The following RANBP17 variants were observed in gnomAD, a reference collection of about 807,000 sequenced individuals.
The protein encoded by RANBP17 is RAN binding protein 17, also known as ran-binding protein 17.
Under a neutral mutation model 141.2 loss-of-function variants are expected in RANBP17, and 158 were observed. The ratio of observed to expected loss-of-function variants is 1.12; its 90% CI spans 0.98 to 1.28. The LOEUF (loss-of-function observed/expected upper bound fraction) is 1.28. Ranked by LOEUF, RANBP17 falls within the 50% of genes most tolerant of loss-of-function variation. The probability of loss-of-function intolerance (pLI) is 0.00; values close to 1 mark genes in which losing one functional copy is unlikely to be tolerated. For synonymous variants in RANBP17, 430 were observed against 450.0 expected (o/e 0.96, Z 0.56); for missense variants, 1,438 against 1,290.7 (o/e 1.11, Z -1.75).
chr5:171,189,977 T>C (rs1165875978), intron 18 of RANBP17, among the ~76,000 whole-genome samples: 2 of 151,672 alleles, frequency 1.3e-5, no homozygotes, highest in African/African-American at 2.4e-5. Flanking sequence ...CCTCCTCAAA[T>C]TAAAAAAAAA....
chr5:171,260,432 C>G (rs1766231131), intron 24 of RANBP17, among the ~76,000 whole-genome samples: 1 of 146,524 alleles, frequency 6.8e-6, no homozygotes, highest in Non-Finnish European at 1.5e-5. Flanking sequence ...CACTGCACTT[C>G]ACCCTGGGCA....
At chr5:171,284,878 T>C (rs1768063121) in intron 25 of RANBP17, among the ~76,000 whole-genome samples, 1 of 152,182 alleles carries the variant, frequency 6.6e-6, no homozygotes, top group Non-Finnish European at 1.5e-5. Context: ...TTGTTCTAAA[T>C]GGCAGACCTC....
At chr5:171,125,398 A>G (rs1303649830) in intron 14 of RANBP17, among the ~76,000 whole-genome samples, 1 of 136,018 alleles carries the variant, frequency 7.4e-6, no homozygotes, top group Non-Finnish European at 1.6e-5. Context: ...AACAAAGGGT[A>G]AAAAAAAAAA....
At chr5:170,999,856 T>C (rs922143810) in intron 14 of RANBP17, among the ~76,000 whole-genome samples, 34 of 152,130 alleles carry the variant, frequency 2.2e-4, no homozygotes, top group Admixed American at 2.0e-3. Context: ...CCAGAAGTCT[T>C]TTCATCTGCA....
intron 14 of RANBP17, among the ~76,000 whole-genome samples, chr5:171,074,896 G>A (rs184302264): frequency 6.6e-6 from 1 of 152,262 alleles, no homozygotes; most frequent in Admixed American, 6.5e-5. Context: ...AAAGTTGGTT[G>A]TTGTCTTCTC....
chr5:171,055,033 G>A (rs1284358077), intron 14 of RANBP17, among the ~76,000 whole-genome samples: 1 of 151,378 alleles, frequency 6.6e-6, no homozygotes, highest in African/African-American at 2.4e-5. Flanking sequence ...AAAACATTGA[G>A]TGAGTTTATC....
At chr5:171,289,502 C>T (rs1581190600) in intron 25 of RANBP17, among the ~76,000 whole-genome samples, 1 of 152,146 alleles carries the variant, frequency 6.6e-6, no homozygotes, top group Non-Finnish European at 1.5e-5. Context: ...CTTCGGGAGG[C>T]TGAGGGGGGA....
In RANBP17 at chr5:171,004,608, A is replaced by G. The variant is rs1035037629; in HGVS notation, c.1710+36231A>G. Among the ~76,000 whole-genome samples the G allele has an allele frequency of 1.2e-3, 178 of 152,290 alleles. 1 individual carries two copies. The highest frequency in any genetic ancestry group is 4.1e-3 in the African/African-American group (169 of 41,576). On this transcript the variant is annotated intron_variant, in intron 14 of 27. Transcript: ENST00000523189. The stretch of plus-strand genomic sequence containing the variant: ...AAGAGTTACCTGAAGCTCAGCATCC[A>G]TGATAGTCCAGGGGGCTTCCAAGGC...
intron 14 of RANBP17, among the ~76,000 whole-genome samples, chr5:171,006,453 G>T (rs1222995469): frequency 2.6e-5 from 4 of 152,086 alleles, no homozygotes; most frequent in African/African-American, 9.7e-5. Flanking sequence ...GTAGGGATAT[G>T]GATGAAGCTG....
At chr5:171,060,588 T>C (rs1489739094) in intron 14 of RANBP17, among the ~76,000 whole-genome samples, 9 of 152,160 alleles carry the variant, frequency 5.9e-5, no homozygotes, top group South Asian at 4.1e-4. Flanking sequence ...AGGATTTTTG[T>C]ATCAATGTTC....
intron 14 of RANBP17, among the ~76,000 whole-genome samples, chr5:171,041,946 A>C (rs1782278070): frequency 6.6e-6 from 1 of 151,748 alleles, no homozygotes; most frequent in African/African-American, 2.4e-5. Context: ...CCCTGTGTCC[A>C]TGTGTTCTCA....
intron 3 of RANBP17, among the ~76,000 whole-genome samples, chr5:170,887,771 T>C (rs955252478): frequency 6.6e-6 from 1 of 152,130 alleles, no homozygotes; most frequent in Admixed American, 6.5e-5. Context: ...AAGTTCAAGA[T>C]CAAGGGGCTG....
At chr5:170,883,095 A>C (rs945097779) in intron 3 of RANBP17, among the ~76,000 whole-genome samples, 1 of 152,136 alleles carries the variant, frequency 6.6e-6, no homozygotes, top group Non-Finnish European at 1.5e-5. Flanking sequence ...TTTTATAAGC[A>C]CTCTGAGTCT....
At chr5:171,174,609 A>G (rs1009438732) in intron 16 of RANBP17, among the ~76,000 whole-genome samples, 9 of 152,050 alleles carry the variant, frequency 5.9e-5, no homozygotes, top group Non-Finnish European at 1.2e-4. Context: ...TTCTACTGCA[A>G]TTTATTCTTT....
At chr5:170,892,693 C>T in intron 4 of RANBP17, 140 bp downstream of exon 4, 1 of 640,816 alleles carries the variant, frequency 1.6e-6, no homozygotes, top group Non-Finnish European at 2.6e-6. Context: ...TCCTCTGGAT[C>T]CTTTATCATT....
chr5:170,977,639 C>T (rs1218147486), intron 14 of RANBP17, among the ~76,000 whole-genome samples: 1 of 151,886 alleles, frequency 6.6e-6, no homozygotes, highest in Non-Finnish European at 1.5e-5. Flanking sequence ...GGTATTTCCC[C>T]AAGTGGAATG....
intron 19 of RANBP17, among the ~76,000 whole-genome samples, chr5:171,204,118 AT>A (rs1327756366): frequency 1.3e-5 from 2 of 152,196 alleles, no homozygotes; most frequent in Admixed American, 1.3e-4. Flanking sequence ...TTATAGAAAA[AT>A]AAGAACTGGT....
intron 25 of RANBP17, among the ~76,000 whole-genome samples, chr5:171,274,113 T>C (rs1016359560): frequency 1.3e-5 from 1 of 74,656 alleles, no homozygotes; most frequent in East Asian, 3.9e-4. Flanking sequence ...TTTGATCAAG[T>C]GTGTGTGTGT....
chr5:170,888,092 G>T (rs1265109878), intron 3 of RANBP17, among the ~76,000 whole-genome samples: 1 of 152,162 alleles, frequency 6.6e-6, no homozygotes, highest in Non-Finnish European at 1.5e-5. Flanking sequence ...TAGCTTTATG[G>T]TATGCCTTGA....
Sources: allele counts gnomAD v4.1 joint callset (sites outside exome capture counted in the v4.1 genomes callset), GRCh38; gene constraint gnomAD v4.1.1; transcripts MANE v1.5; gene names NCBI Gene and HGNC (gene_info 2026-07-23, HGNC 2026-07-21).